The following AHR variants were observed in gnomAD, a reference collection of about 807,000 sequenced individuals.
AHR encodes AH-receptor.
AHR carries 40 observed loss-of-function variants against 86.8 expected under a neutral mutation model. That is an observed-to-expected ratio of 0.46 (90% CI 0.36 to 0.60). AHR has a LOEUF of 0.60. Among genes scored for constraint, AHR ranks in the 20% least tolerant of loss-of-function variants. AHR has a pLI of 0.00. For missense variants in AHR, 1,001 were observed against 1,011.6 expected, an observed-to-expected ratio of 0.99 and a Z score of 0.14; for synonymous variants, 398 against 354.9, an observed-to-expected ratio of 1.12 and a Z score of -1.37.
At chr7:17,299,585 A>G (rs1197038912) in intron 1 of AHR, among the ~76,000 whole-genome samples, 1 of 152,098 alleles carries the variant, frequency 6.6e-6, no homozygotes, top group African/African-American at 2.4e-5. Context: ...ACCCTCTCAC[A>G]TTTGCAACTT....
intron 1 of AHR, among the ~76,000 whole-genome samples, chr7:17,306,417 C>T (rs1190339295): frequency 1.3e-5 from 2 of 152,128 alleles, no homozygotes; most frequent in Non-Finnish European, 1.5e-5. Flanking sequence ...AGCTTCAAAT[C>T]CAGTACATCT....
chr7:17,308,468 G>T (rs147762184), intron 1 of AHR, among the ~76,000 whole-genome samples: 1 of 152,166 alleles, frequency 6.6e-6, no homozygotes, highest in Non-Finnish European at 1.5e-5. Flanking sequence ...ATACTTGTCA[G>T]CAAGTTATTA....
intron 2 of AHR, among the ~76,000 whole-genome samples, chr7:17,310,991 G>A (rs1782058507): frequency 6.6e-6 from 1 of 152,150 alleles, no homozygotes; most frequent in South Asian, 2.1e-4. Context: ...ACCAAACCAG[G>A]TAGCATCCCC....
At chr7:17,308,860 T>C (rs1782033315) in intron 1 of AHR, among the ~76,000 whole-genome samples, 1 of 152,206 alleles carries the variant, frequency 6.6e-6, no homozygotes, top group Non-Finnish European at 1.5e-5. Context: ...TGGGTCATAT[T>C]AATAGCACTA....
intron 10 of AHR, among the ~76,000 whole-genome samples, chr7:17,340,704 T>G (rs566222498): frequency 6.6e-6 from 1 of 152,316 alleles, no homozygotes; most frequent in African/African-American, 2.4e-5. Context: ...TAAGTGTGCT[T>G]TCTTACAATG....
intron 2 of AHR, among the ~76,000 whole-genome samples, chr7:17,321,626 A>G (rs1782174813): frequency 1.1e-5 from 1 of 93,326 alleles, no homozygotes; most frequent in Admixed American, 9.3e-5. Context: ...CACAGTGAGG[A>G]AAAAAAAGAA....
intron 4 of AHR, among the ~76,000 whole-genome samples, chr7:17,328,961 A>G (rs1782256790): frequency 6.6e-6 from 1 of 151,966 alleles, no homozygotes; most frequent in African/African-American, 2.4e-5. Context: ...ATTAATGTCC[A>G]TAGAAAAGCC....
rs1304632961 is a variant in AHR at position 17,339,278 on chromosome 7, T to G, written c.1453T>G (p.Phe485Val). The change falls in exon 10 of 11, where the codon TTT (phenylalanine) becomes GTT (valine). Residue 485 changes from phenylalanine (F) to valine (V), a missense_variant. Around this residue, in one of 2 missense-constraint regions of AHR, gnomAD observed 607 missense variants for 543.1 expected, o/e 1.12. Coordinates refer to ENST00000242057, the MANE Select transcript of AHR (RefSeq NM_001621.5). ...TSSTAPFENN[F>V]FNESMNECRN... ...AAGTACTGCACCTTTTGAAAACAACTTTTTCAACGAATCTATGAATGAATG... is the reference window on the plus strand; with the variant it reads ...AAGTACTGCACCTTTTGAAAACAACGTTTTCAACGAATCTATGAATGAATG... 6.2e-7 allele frequency: 1 copy of G among 1,614,148 alleles called. No homozygotes were observed. The highest frequency in any genetic ancestry group is 8.5e-7 in the Non-Finnish European group (1 of 1,180,016).
intron 10 of AHR, 92 bp downstream of exon 10, chr7:17,340,320 C>T (rs1782407021): frequency 4.2e-6 from 6 of 1,440,678 alleles, no homozygotes; most frequent in Admixed American, 2.7e-5. Flanking sequence ...TGATTTTAAT[C>T]GGTTATCTAC....
rs1049108794 is a variant in AHR at position 17,345,747 on chromosome 7, A to T, written c.*2683A>T. The T allele has an allele frequency of 1.3e-5, 2 of 152,900 alleles. No individual in the cohort carries two copies. The highest frequency in any genetic ancestry group is 3.4e-3 in the Middle Eastern group (1 of 294). The allele number at this position is 152,900 out of a possible 1,614,324, so 9.5% of individuals were successfully genotyped here. A position where few individuals can be genotyped will look rare whatever the true frequency, so the allele number is the denominator to read the frequency against. ...ATAAAATAACTAAAATGTATCTAAG[A>T]ATAATAAAATCACGTTAAACCAAAT... On this transcript the variant is annotated 3_prime_UTR_variant, in exon 11 of 11. Transcript: ENST00000242057.
chr7:17,330,681 C>G (rs899261208), intron 5 of AHR, 75 bp from the exon 6 acceptor site: 13 of 1,350,614 alleles, frequency 9.6e-6, no homozygotes, highest in African/African-American at 2.9e-5. Context: ...GAAACTAATA[C>G]AAATTTTACC....
At chr7:17,317,133 T>TTTTTTTTTTTTTTTTG (rs55737827) in intron 2 of AHR, among the ~76,000 whole-genome samples, 1 of 150,224 alleles carries the variant, frequency 6.7e-6, no homozygotes, top group Non-Finnish European at 1.5e-5. Flanking sequence ...TTTTTTTTTT[T>TTTTTTTTTTTTTTTTG]GAATATGCAT....
At position 17,302,965 on chromosome 7, in the gene AHR, G is replaced by A. The variant is rs1192833886; in HGVS notation, c.65+3636G>A. Among the ~76,000 whole-genome samples, 6 of 151,904 alleles carry A rather than the reference G, an allele frequency of 3.9e-5. No homozygotes were observed. In the South Asian group the frequency reaches 1.2e-3, roughly 31 times the overall value. On this transcript the variant is annotated intron_variant, in intron 1 of 10. Coordinates refer to ENST00000242057, the MANE Select transcript of AHR (RefSeq NM_001621.5). The stretch of plus-strand genomic sequence containing the variant: ...CGATTATGTTCTCAATTACGGCTAC[G>A]GCTGAAATGTGCTACTTCACTGGTG...
chr7:17,338,666 C>T (rs575839302), intron 9 of AHR, among the ~76,000 whole-genome samples: 56 of 152,148 alleles, frequency 3.7e-4, no homozygotes, highest in African/African-American at 1.3e-3. Flanking sequence ...CCTAAATTCT[C>T]GTAGTCTGTT....
chr7:17,342,637 AC>A (rs1470477913), intron 10 of AHR, among the ~76,000 whole-genome samples: 3 of 152,086 alleles, frequency 2.0e-5, no homozygotes, highest in Non-Finnish European at 2.9e-5. Flanking sequence ...TTCCTACCTG[AC>A]CCAAAGGCAA....
At chr7:17,312,775 G>T (rs10486083) in intron 2 of AHR, among the ~76,000 whole-genome samples, 1 of 151,986 alleles carries the variant, frequency 6.6e-6, no homozygotes, top group Non-Finnish European at 1.5e-5. Context: ...TATCTTTAAC[G>T]TTAGATTCTT....
At chr7:17,330,930 A>G (rs377135545) in intron 6 of AHR, 44 bp downstream of exon 6, 1 of 1,583,428 alleles carries the variant, frequency 6.3e-7, no homozygotes, top group East Asian at 2.2e-5. Flanking sequence ...CTATTGTTAC[A>G]ATAAAAGCTT....
At chr7:17,325,756 A>G (rs573206086) in intron 3 of AHR, among the ~76,000 whole-genome samples, 3 of 152,292 alleles carry the variant, frequency 2.0e-5, no homozygotes, top group East Asian at 1.9e-4. Flanking sequence ...GAACACATGG[A>G]CACACAGAGG....
chr7:17,298,957 C>T lies in AHR; in HGVS notation c.-308C>T, dbSNP rs1265330953. ...CCGCCCGGGCCGCCTCACCTGCGGG[C>T]ATTGCCGCGCCGCCTCCGCCGGTGT... On this transcript the variant is annotated 5_prime_UTR_variant, in exon 1 of 11. Transcript: ENST00000242057. The T allele has an allele frequency of 2.9e-5, 13 of 441,522 alleles. No homozygotes were observed. In the Admixed American group the frequency reaches 3.5e-4, roughly 12 times the overall value. The allele number at this position is 441,522 out of a possible 1,614,324, so 27.4% of individuals were successfully genotyped here. A position where few individuals can be genotyped will look rare whatever the true frequency, so the allele number is the denominator to read the frequency against.
Sources: gnomAD v4.1 joint callset for allele counts (sites outside exome capture counted in the v4.1 genomes callset) on GRCh38, gnomAD v4.1.1 for gene constraint, gnomAD v4.1.1 regional missense constraint, MANE v1.5 for transcripts, NCBI Gene and HGNC (gene_info 2026-07-23, HGNC 2026-07-21) for gene names.